CTNNA2: variants seen among roughly 807,000 people sequenced by gnomAD.
CTNNA2 encodes catenin alpha 2.
Under a neutral mutation model 101.0 loss-of-function variants are expected in CTNNA2, and 42 were observed. The ratio of observed to expected loss-of-function variants is 0.42; its 90% CI spans 0.32 to 0.54. The LOEUF is 0.54. Among genes scored for constraint, CTNNA2 ranks in the 20% least tolerant of loss-of-function variants. The probability of loss-of-function intolerance (pLI) is 0.14; values close to 1 mark genes in which losing one functional copy is unlikely to be tolerated. For missense variants in CTNNA2, 871 were observed against 1,223.1 expected, an observed-to-expected ratio of 0.71 and a Z score of 4.29; for synonymous variants, 450 against 456.4, an observed-to-expected ratio of 0.99 and a Z score of 0.18.
At chr2:80,333,935 T>C (rs951895073) in intron 7 of CTNNA2, among the ~76,000 whole-genome samples, 1 of 152,146 alleles carries the variant, frequency 6.6e-6, no homozygotes, top group Admixed American at 6.5e-5. Context: ...GCCACTGTCT[T>C]TGACACCCAG....
chr2:79,413,097 A>G (rs1407565160), intron 4 of CTNNA2, among the ~76,000 whole-genome samples: 1 of 151,712 alleles, frequency 6.6e-6, no homozygotes, highest in African/African-American at 2.4e-5. Context: ...CCATCCCCCA[A>G]CCTCTGGTAA....
chr2:80,535,429 T>G (rs956547537), intron 9 of CTNNA2, among the ~76,000 whole-genome samples: 1 of 152,178 alleles, frequency 6.6e-6, no homozygotes, highest in African/African-American at 2.4e-5. Context: ...TACTGGGTGC[T>G]GGGTTAACTA....
intron 4 of CTNNA2, among the ~76,000 whole-genome samples, chr2:79,401,690 A>G (rs1273301593): frequency 3.3e-5 from 5 of 151,680 alleles, no homozygotes; most frequent in Admixed American, 6.6e-5. Context: ...GATAAAATCG[A>G]AAAACTAAAA....
intron 7 of CTNNA2, among the ~76,000 whole-genome samples, chr2:80,260,721 G>A (rs1192277042): frequency 6.6e-6 from 1 of 152,170 alleles, no homozygotes; most frequent in Non-Finnish European, 1.5e-5. Context: ...TTGTAAAATA[G>A]CAAAGAGCAG....
intron 12 of CTNNA2, among the ~76,000 whole-genome samples, chr2:80,572,435 T>C (rs971183798): frequency 1.3e-5 from 2 of 152,188 alleles, no homozygotes; most frequent in African/African-American, 4.8e-5. Flanking sequence ...GTTTTATGCC[T>C]CTGAAAGCTC....
chr2:79,884,205 T>C (rs957584948), intron 6 of CTNNA2, among the ~76,000 whole-genome samples: 2 of 152,230 alleles, frequency 1.3e-5, no homozygotes, highest in Non-Finnish European at 2.9e-5. Context: ...GGAATTTGTT[T>C]GACTAGTAAT....
At chr2:80,329,147 T>C (rs538196357) in intron 7 of CTNNA2, among the ~76,000 whole-genome samples, 1 of 152,360 alleles carries the variant, frequency 6.6e-6, no homozygotes, top group Admixed American at 6.5e-5. Flanking sequence ...TGTTTGCCCC[T>C]GTCCATGTGA....
intron 7 of CTNNA2, among the ~76,000 whole-genome samples, chr2:80,157,739 T>C (rs1165646157): frequency 6.6e-6 from 1 of 152,062 alleles, no homozygotes; most frequent in Non-Finnish European, 1.5e-5. Context: ...TTAAAAGGTA[T>C]GGTATGTCTG....
intron 4 of CTNNA2, among the ~76,000 whole-genome samples, chr2:79,865,597 G>T (rs13030077): frequency 0.16 from 24,706 of 152,148 alleles, 2,078 homozygotes; most frequent in East Asian, 0.22. Context: ...AGAACACACA[G>T]TGCAGGCAGG....
chr2:79,624,444 G>A (rs932998087), intron 1 of CTNNA2, among the ~76,000 whole-genome samples: 1 of 152,110 alleles, frequency 6.6e-6, no homozygotes, highest in Admixed American at 6.6e-5. Context: ...ACCAGGTGAG[G>A]GAAGTTGATG....
intron 9 of CTNNA2, among the ~76,000 whole-genome samples, chr2:80,478,124 T>C (rs1228978489): frequency 1.3e-5 from 2 of 152,286 alleles, no homozygotes; most frequent in Non-Finnish European, 2.9e-5. Context: ...TAGTTTTAAT[T>C]AGCATTTTCC....
At chr2:80,281,353 C>A (rs1185288195) in intron 7 of CTNNA2, among the ~76,000 whole-genome samples, 1 of 152,076 alleles carries the variant, frequency 6.6e-6, no homozygotes, top group African/African-American at 2.4e-5. Context: ...AGGTCAGCTT[C>A]TGAGGGTTTA....
intron 9 of CTNNA2, among the ~76,000 whole-genome samples, chr2:80,431,315 C>A (rs1399816818): frequency 6.6e-6 from 1 of 152,124 alleles, no homozygotes; most frequent in East Asian, 1.9e-4. Flanking sequence ...GTCCTTTGGA[C>A]CTGATGACTG....
intron 2 of CTNNA2, among the ~76,000 whole-genome samples, chr2:79,731,734 T>A (rs371271419): frequency 9.2e-5 from 14 of 152,152 alleles, no homozygotes; most frequent in African/African-American, 3.4e-4. Context: ...TTGAGGGAGA[T>A]GATCAGACAT....
chr2:80,439,991 T>G (rs1010682945), intron 9 of CTNNA2, among the ~76,000 whole-genome samples: 2 of 152,024 alleles, frequency 1.3e-5, no homozygotes, highest in Non-Finnish European at 2.9e-5. Flanking sequence ...AGGCAGATAA[T>G]AAACAATAGA....
intron 9 of CTNNA2, among the ~76,000 whole-genome samples, chr2:80,474,776 A>G (rs746846161): frequency 9.2e-5 from 14 of 152,226 alleles, no homozygotes; most frequent in Admixed American, 2.6e-4. Flanking sequence ...TTGACAGGAA[A>G]TTAAATTTGC....
chr2:80,164,659 C>T (rs765628034), intron 7 of CTNNA2, among the ~76,000 whole-genome samples: 2 of 151,426 alleles, frequency 1.3e-5, no homozygotes, highest in Non-Finnish European at 2.9e-5. Context: ...TCCCCCTTTC[C>T]TTTCCTTTCT....
chr2:79,512,837 C>A (rs959118604), upstream of CTNNA2, among the ~76,000 whole-genome samples: 7 of 151,438 alleles, frequency 4.6e-5, no homozygotes, highest in East Asian at 2.0e-4. Context: ...CCAGCCACCC[C>A]TCGATGCCCG....
chr2:80,058,496 G>A (rs1231394674), intron 7 of CTNNA2, among the ~76,000 whole-genome samples: 1 of 152,162 alleles, frequency 6.6e-6, no homozygotes, highest in Non-Finnish European at 1.5e-5. Context: ...ACAGTGACGT[G>A]AGAAGGAGAA....
Sources: allele counts gnomAD v4.1 joint callset (sites outside exome capture counted in the v4.1 genomes callset), GRCh38; gene constraint gnomAD v4.1.1; transcripts MANE v1.5; gene names NCBI Gene and HGNC (gene_info 2026-07-23, HGNC 2026-07-21).